Variants in EIF3B observed in about 807,000 individuals in gnomAD.
EIF3B encodes the protein eukaryotic translation initiation factor 3 subunit 9.
Under a neutral mutation model 104.6 loss-of-function variants are expected in EIF3B, and 10 were observed. The observed-to-expected ratio is 0.10, with a 90% CI of 0.06 to 0.16. The LOEUF is 0.16. Ranked by LOEUF, EIF3B falls within the 10% of genes least tolerant of loss-of-function variation. The probability of loss-of-function intolerance (pLI) is 1.00; values close to 1 mark genes in which losing one functional copy is unlikely to be tolerated. For synonymous variants in EIF3B, 542 were observed against 417.2 expected, an observed-to-expected ratio of 1.30 and a Z score of -3.65; for missense variants, 1,014 against 1,087.9, an observed-to-expected ratio of 0.93 and a Z score of 0.96.
chr7:2,375,229 G>C (rs1241517005), intron 13 of EIF3B, 160 bp from the exon 14 acceptor site: 1 of 756,710 alleles, frequency 1.3e-6, no homozygotes, highest in East Asian at 2.5e-5. Context: ...CTGTGATTTG[G>C]TAAGTCTCAC....
chr7:2,370,359 C>G (rs193082317), intron 10 of EIF3B, among the ~76,000 whole-genome samples: 11 of 151,884 alleles, frequency 7.2e-5, no homozygotes, highest in Admixed American at 5.2e-4. Context: ...CTCCTGTAGT[C>G]CCAGCTACTC....
chr7:2,362,863 T>A (rs1342701648), intron 3 of EIF3B, 99 bp downstream of exon 3: 1 of 1,557,328 alleles, frequency 6.4e-7, no homozygotes, highest in African/African-American at 1.4e-5. Flanking sequence ...GTCTGTCAGA[T>A]TGTTCACATC....
At chr7:2,378,933 G>C in intron 16 of EIF3B, 167 bp downstream of exon 16, 1 of 759,958 alleles carries the variant, frequency 1.3e-6, no homozygotes, top group Non-Finnish European at 2.1e-6. Flanking sequence ...GTTGGCACGG[G>C]GACTTGGAGT....
intron 1 of EIF3B, among the ~76,000 whole-genome samples, chr7:2,360,019 C>T (rs866096735): frequency 2.0e-5 from 3 of 152,088 alleles, no homozygotes; most frequent in Admixed American, 6.6e-5. Flanking sequence ...GGCTCTGCAG[C>T]GGAGAGAGGT....
chr7:2,357,804 G>A (rs566085077), intron 1 of EIF3B, among the ~76,000 whole-genome samples: 5 of 152,160 alleles, frequency 3.3e-5, no homozygotes, highest in African/African-American at 1.2e-4. Context: ...CTACGTGTGG[G>A]CAGTTTCTCC....
chr7:2,373,766 C>A (rs144170357), intron 12 of EIF3B: 1 of 152,214 alleles, frequency 6.6e-6, no homozygotes, highest in Non-Finnish European at 1.5e-5. Context: ...CTGCGTGACA[C>A]GCCTCTCCTG....
chr7:2,376,960 C>T lies in EIF3B; in HGVS notation c.2039C>T (p.Ala680Val), dbSNP rs777551343. ...CCTGCCCTGGCCTAGGTGGACAACG[C>T]GTACTGGCTGTGGACTTTCCAGGGA... ...VSWWSHKVDN[A>V]YWLWTFQGRL... The change falls in exon 15 of 19, where the codon GCG becomes GTG. Residue 680 changes from alanine (A) to valine (V), a missense_variant. Physicochemically the swap from Ala to Val is moderately conservative, Grantham distance 64. This residue lies in a region of EIF3B where 266 missense variants were observed against 324.0 expected (regional missense o/e 0.82). Transcript: ENST00000360876. 1.2e-5 allele frequency: 19 copies of T among 1,613,740 alleles called. No homozygotes were observed. The highest frequency in any genetic ancestry group is 2.2e-5 in the East Asian group (1 of 44,874).
Position 2,355,374 on chromosome 7 carries a change from C to T in EIF3B, c.453C>T (p.Pro151=), listed in dbSNP as rs763905665. ...RALENGDADE[P]SFSDPEDFVD... is the part of the protein sequence containing the mutation. ...TGGAGAACGGCGACGCGGACGAGCC[C>T]TCCTTCAGCGACCCCGAGGACTTCG... is the stretch of plus-strand genomic sequence containing the variant. Residue 151 remains proline, a synonymous_variant, in exon 1 of 19, where the codon CCC becomes CCT. Transcript: ENST00000360876. The T allele has an allele frequency of 1.5e-5, 23 of 1,532,838 alleles. No individual in the cohort carries two copies. In the East Asian group the frequency reaches 3.9e-4, roughly 26 times the overall value. 95.0% of individuals were successfully genotyped at this position (1,532,838 alleles called of 1,614,324 possible).
At chr7:2,374,327 CT>C (rs1308606054) in intron 12 of EIF3B, 200 bp from the exon 13 acceptor site, 69 of 502,450 alleles carry the variant, frequency 1.4e-4, no homozygotes, top group East Asian at 6.0e-5. Context: ...GTCGCATCTT[CT>C]TTTTTTTCCC....
At chr7:2,365,671 G>GTTT (rs1436210560) in intron 6 of EIF3B, among the ~76,000 whole-genome samples, 1 of 108,950 alleles carries the variant, frequency 9.2e-6, no homozygotes, top group Non-Finnish European at 1.8e-5. Flanking sequence ...TTGTTTGTTT[G>GTTT]TTTGTTTTGT....
At chr7:2,365,927 C>T (rs950657612) in intron 6 of EIF3B, among the ~76,000 whole-genome samples, 20 of 152,026 alleles carry the variant, frequency 1.3e-4, no homozygotes, top group African/African-American at 4.6e-4. Context: ...CTTGGGTGAT[C>T]CACCCACCTC....
chr7:2,375,357 A>C (rs781094134), intron 13 of EIF3B, 32 bp from the exon 14 acceptor site: 2 of 1,612,592 alleles, frequency 1.2e-6, no homozygotes, highest in Admixed American at 1.7e-5. Context: ...ATGCGTCTCC[A>C]TGAAGCCTGA....
chr7:2,359,969 A>T (rs898226426), intron 1 of EIF3B, among the ~76,000 whole-genome samples: 1 of 152,148 alleles, frequency 6.6e-6, no homozygotes, highest in Non-Finnish European at 1.5e-5. Context: ...CCTAAGGAAT[A>T]TTGGGTAAAG....
At position 2,380,269 on chromosome 7, in the gene EIF3B, T is replaced by C; in HGVS notation, c.*80T>C. ...ACTCCCGAGTGTGAGCCGCGGTTCC[T>C]CTGTTGCAGCGCAGCCGTGTGTGCT... On this transcript the variant is annotated 3_prime_UTR_variant, in exon 19 of 19. Coordinates refer to ENST00000360876, the MANE Select transcript of EIF3B (RefSeq NM_001037283.2). 2.0e-6 allele frequency: 1 copy of C among 498,714 alleles called. No homozygotes were observed. 30.9% of individuals were successfully genotyped at this position (498,714 alleles called of 1,614,324 possible).
chr7:2,379,202 C>G lies in EIF3B; in HGVS notation c.2301C>G (p.Leu767=), dbSNP rs750634758. The change falls in exon 17 of 19, where the codon CTC becomes CTG. Residue 767 remains leucine, a synonymous_variant. Transcript: ENST00000360876. Reference sequence around the variant, plus strand: ...AGTACCGGAAAATGGCCCAGGAGCTCTATATGGAGCAGAAAAACGAGCGCC... The same window carrying G: ...AGTACCGGAAAATGGCCCAGGAGCTGTATATGGAGCAGAAAAACGAGCGCC... ...FRKYRKMAQE[L]YMEQKNERLE... 1 of 1,613,752 alleles carries G rather than the reference C, an allele frequency of 6.2e-7. No individual in the cohort carries two copies. Among genetic ancestry groups the G allele is most frequent in the Non-Finnish European group, 8.5e-7 (1 of 1,179,876 alleles).
chr7:2,368,454 G>A (rs967615083), intron 9 of EIF3B, among the ~76,000 whole-genome samples: 2 of 152,166 alleles, frequency 1.3e-5, no homozygotes, highest in African/African-American at 2.4e-5. Context: ...CCGGCCTAAG[G>A]TGAGTTTGTT....
At chr7:2,361,083 G>GT (rs1779701993) in intron 2 of EIF3B, among the ~76,000 whole-genome samples, 181 bp downstream of exon 2, 1 of 152,126 alleles carries the variant, frequency 6.6e-6, no homozygotes, top group South Asian at 2.1e-4. Context: ...GATAAAGTTT[G>GT]TTTTTTTAAG....
At chr7:2,364,599 T>C (rs950754115) in intron 6 of EIF3B, 70 bp downstream of exon 6, 13 of 1,409,930 alleles carry the variant, frequency 9.2e-6, no homozygotes, top group Non-Finnish European at 1.1e-5. Flanking sequence ...AGGTGATCTT[T>C]CATTTTGTAG....
chr7:2,372,061 G>T, intron 11 of EIF3B: 1 of 530,472 alleles, frequency 1.9e-6, no homozygotes, highest in Non-Finnish European at 3.4e-6. Flanking sequence ...AAAAAAATTA[G>T]CCAGGTGTGG....
Sources: allele counts gnomAD v4.1 joint callset (sites outside exome capture counted in the v4.1 genomes callset), GRCh38; gene constraint gnomAD v4.1.1; regional missense constraint gnomAD v4.1.1; transcripts MANE v1.5; gene names NCBI Gene and HGNC (gene_info 2026-07-23, HGNC 2026-07-21).